The following DPP10 variants were observed in gnomAD, a reference collection of about 807,000 sequenced individuals.
DPP10 encodes dipeptidyl peptidase like 10.
Under a neutral mutation model 120.9 loss-of-function variants are expected in DPP10, and 33 were observed. The observed-to-expected ratio is 0.27, with a 90% CI of 0.21 to 0.37. The LOEUF (loss-of-function observed/expected upper bound fraction) is 0.37, where lower values mean the gene tolerates loss of function less well. Ranked by LOEUF, DPP10 falls within the 10% of genes least tolerant of loss-of-function variation. DPP10 has a pLI of 1.00. For synonymous variants in DPP10, 337 were observed against 326.1 expected (o/e 1.03, Z -0.36); for missense variants, 816 against 942.8 (o/e 0.87, Z 1.76).
At chr2:115,738,901 A>C (rs1170734463) in intron 8 of DPP10, among the ~76,000 whole-genome samples, 2 of 152,176 alleles carry the variant, frequency 1.3e-5, no homozygotes, top group African/African-American at 2.4e-5. Context: ...TTTATTTACA[A>C]GGAGAACATT....
intron 1 of DPP10, among the ~76,000 whole-genome samples, chr2:114,458,699 G>A (rs1678711555): frequency 6.6e-6 from 1 of 152,026 alleles, no homozygotes; most frequent in Non-Finnish European, 1.5e-5. Flanking sequence ...CTATGTTACA[G>A]TTATAGCAAT....
intron 19 of DPP10, among the ~76,000 whole-genome samples, chr2:115,804,572 T>C (rs184696953): frequency 1.3e-5 from 2 of 152,286 alleles, no homozygotes; most frequent in Admixed American, 1.3e-4. Context: ...TTATCTACCT[T>C]TGTTCCTTGA....
chr2:114,813,747 T>A (rs1316242054), intron 1 of DPP10, among the ~76,000 whole-genome samples: 3 of 151,382 alleles, frequency 2.0e-5, no homozygotes, highest in Non-Finnish European at 4.4e-5. Context: ...ACAGTTTTAG[T>A]GTAGGAAGGG....
At chr2:115,720,157 C>A (rs62155335) in intron 7 of DPP10, among the ~76,000 whole-genome samples, 29 of 152,244 alleles carry the variant, frequency 1.9e-4, no homozygotes, top group Non-Finnish European at 3.1e-4. Flanking sequence ...ACCAGCAGTG[C>A]ACGAGGGTTC....
chr2:115,386,584 A>G (rs937178244), intron 3 of DPP10, among the ~76,000 whole-genome samples: 4 of 152,174 alleles, frequency 2.6e-5, no homozygotes, highest in Non-Finnish European at 5.9e-5. Flanking sequence ...GTCAGTTAAT[A>G]AAGTTTCTTT....
intron 3 of DPP10, among the ~76,000 whole-genome samples, chr2:115,498,712 AATTAT>A (rs2076532241): frequency 9.3e-5 from 1 of 10,776 alleles, no homozygotes; most frequent in South Asian, 9.4e-3. Context: ...AATTATGTAT[AATTAT>A]ATATATATAT....
At position 115,020,338 on chromosome 2, in the gene DPP10, C is replaced by T. The variant is rs143043962; in HGVS notation, c.61-288901C>T. On this transcript the variant is annotated intron_variant, in intron 1 of 25. Coordinates refer to ENST00000410059, the MANE Select transcript of DPP10 (RefSeq NM_020868.6). Reference sequence around the variant, plus strand: ...AAAAGATATTCCACACAAATGAACACCAAAAGTGAGCAGGAGTAGCTATTC... The same window carrying T: ...AAAAGATATTCCACACAAATGAACATCAAAAGTGAGCAGGAGTAGCTATTC... 2.6e-3 allele frequency among the ~76,000 whole-genome samples: 390 copies of T among 152,076 alleles called. 1 individual carries two copies. The highest frequency in any genetic ancestry group is 8.9e-3 in the African/African-American group (368 of 41,494).
In DPP10 at chr2:115,478,005, A is replaced by C. The variant is rs1003143265; in HGVS notation, c.272-21505A>C. On this transcript the variant is annotated intron_variant, in intron 3 of 25. Coordinates refer to ENST00000410059, the MANE Select transcript of DPP10 (RefSeq NM_020868.6). Reference sequence around the variant, plus strand: ...GCACAAGAGTAGGGGCAGGTGCCACACTCTTTTAAACAACCAGATCTCATG... The same window carrying C: ...GCACAAGAGTAGGGGCAGGTGCCACCCTCTTTTAAACAACCAGATCTCATG... 2.6e-5 allele frequency among the ~76,000 whole-genome samples: 4 copies of C among 152,114 alleles called. No homozygotes were observed. In the East Asian group the frequency reaches 5.8e-4, roughly 22 times the overall value.
At chr2:114,804,805 A>G (rs1684578855) in intron 1 of DPP10, among the ~76,000 whole-genome samples, 1 of 152,110 alleles carries the variant, frequency 6.6e-6, no homozygotes, top group African/African-American at 2.4e-5. Flanking sequence ...TGCACTCTGG[A>G]CTTTTGGGTT....
At chr2:115,150,867 C>T (rs2051503487) in intron 1 of DPP10, among the ~76,000 whole-genome samples, 2 of 152,144 alleles carry the variant, frequency 1.3e-5, no homozygotes, top group Admixed American at 1.3e-4. Flanking sequence ...AATGATAAAA[C>T]GTTTAGTGTG....
chr2:114,890,508 G>C (rs1043822361), intron 1 of DPP10, among the ~76,000 whole-genome samples: 8 of 152,112 alleles, frequency 5.3e-5, no homozygotes, highest in African/African-American at 1.9e-4. Flanking sequence ...ATTTGCATTG[G>C]ATCCACAAAT....
intron 5 of DPP10, among the ~76,000 whole-genome samples, chr2:115,672,710 C>CTTTCTTTCTTTCTTTCTTTG (rs10648959): frequency 7.1e-5 from 1 of 14,176 alleles, no homozygotes; most frequent in African/African-American, 1.1e-4. Context: ...TTCTTTCTTT[C>CTTTCTTTCTTTCTTTCTTTG]TCTTTCTTTC....
intron 5 of DPP10, among the ~76,000 whole-genome samples, chr2:115,609,608 C>CA (rs1442199157): frequency 2.6e-5 from 4 of 151,808 alleles, no homozygotes; most frequent in Admixed American, 6.6e-5. Context: ...ACAAAAAAAA[C>CA]AAAAAAACCC....
intron 1 of DPP10, among the ~76,000 whole-genome samples, chr2:114,447,658 C>T (rs1435641673): frequency 1.3e-5 from 2 of 152,030 alleles, no homozygotes; most frequent in East Asian, 1.9e-4. Flanking sequence ...ATAAAATTAT[C>T]GACTCAACAT....
At chr2:115,109,678 C>A (rs1037517297) in intron 1 of DPP10, among the ~76,000 whole-genome samples, 1 of 152,148 alleles carries the variant, frequency 6.6e-6, no homozygotes, top group Non-Finnish European at 1.5e-5. Flanking sequence ...GAAATATTAT[C>A]CATTCCTGGA....
chr2:114,849,746 A>G (rs998173008), intron 1 of DPP10, among the ~76,000 whole-genome samples: 1 of 152,160 alleles, frequency 6.6e-6, no homozygotes, highest in Non-Finnish European at 1.5e-5. Flanking sequence ...ACACAGGTAA[A>G]TACTATTTCC....
intron 1 of DPP10, among the ~76,000 whole-genome samples, chr2:115,207,603 C>T (rs902900522): frequency 6.6e-6 from 1 of 152,002 alleles, no homozygotes; most frequent in Admixed American, 6.6e-5. Context: ...CTAAGGAACA[C>T]CACTTTTCAA....
At chr2:114,927,929 C>T (rs1695760099) in intron 1 of DPP10, among the ~76,000 whole-genome samples, 1 of 151,960 alleles carries the variant, frequency 6.6e-6, no homozygotes, top group African/African-American at 2.4e-5. Flanking sequence ...AGGTTCTAGG[C>T]TCTTTTTATC....
intron 1 of DPP10, among the ~76,000 whole-genome samples, chr2:115,243,656 C>CAT (rs758916077): frequency 6.6e-5 from 10 of 151,888 alleles, no homozygotes; most frequent in Non-Finnish European, 1.5e-4. Flanking sequence ...ATTAAAAGGC[C>CAT]ATACATAGTC....
Sources: allele counts gnomAD v4.1 joint callset (sites outside exome capture counted in the v4.1 genomes callset), GRCh38; gene constraint gnomAD v4.1.1; transcripts MANE v1.5; gene names NCBI Gene and HGNC (gene_info 2026-07-23, HGNC 2026-07-21).